The following EPS15 variants were observed in gnomAD, a reference collection of about 807,000 sequenced individuals.
EPS15 encodes epidermal growth factor receptor pathway substrate 15.
Under a neutral mutation model 113.8 loss-of-function variants are expected in EPS15, and 72 were observed. The ratio of observed to expected loss-of-function variants is 0.63; its 90% CI spans 0.52 to 0.77. EPS15 has a LOEUF of 0.77. Among genes scored for constraint, EPS15 ranks in the 30% least tolerant of loss-of-function variants. EPS15 has a pLI of 0.00. For synonymous variants in EPS15, 344 were observed against 363.4 expected, an observed-to-expected ratio of 0.95 and a Z score of 0.61; for missense variants, 1,048 against 1,045.8, an observed-to-expected ratio of 1.00 and a Z score of -0.03.
rs1443322229 is a variant in EPS15 at position 51,391,316 on chromosome 1, G to T, written c.2119+3065C>A. Reference sequence around the variant, plus strand: ...ACATCACACACCATGGCCTTTCGTGGGTTGGGGGGAAGGGGGAGGGATAGC... The same window carrying T: ...ACATCACACACCATGGCCTTTCGTGTGTTGGGGGGAAGGGGGAGGGATAGC... On this transcript the variant is annotated intron_variant, in intron 21 of 24. Coordinates refer to ENST00000371733, the MANE Select transcript of EPS15 (RefSeq NM_001981.3). 2.0e-5 allele frequency among the ~76,000 whole-genome samples: 3 copies of T among 152,158 alleles called. No individual in the cohort carries two copies. In the East Asian group the frequency reaches 5.8e-4, roughly 29 times the overall value.
At chr1:51,471,197 T>C (rs1441498869) in intron 4 of EPS15, among the ~76,000 whole-genome samples, 2 of 152,216 alleles carry the variant, frequency 1.3e-5, no homozygotes, top group Non-Finnish European at 2.9e-5. Flanking sequence ...AGTACACTGA[T>C]GGTGTTCAAC....
intron 9 of EPS15, 80 bp from the exon 10 acceptor site, chr1:51,447,185 T>A: frequency 1.6e-6 from 2 of 1,281,472 alleles, no homozygotes; most frequent in Non-Finnish European, 2.2e-6. Flanking sequence ...CATTACAATA[T>A]CCATCACAAA....
At chr1:51,385,033 T>C (rs778823733) in intron 21 of EPS15, among the ~76,000 whole-genome samples, 2 of 152,224 alleles carry the variant, frequency 1.3e-5, no homozygotes, top group African/African-American at 4.8e-5. Flanking sequence ...TAGCAACGCT[T>C]TCTTGGTTAT....
At chr1:51,357,428 T>TATATATATATATATATATATA (rs1557761744) in intron 24 of EPS15, among the ~76,000 whole-genome samples, 2 of 65,660 alleles carry the variant, frequency 3.0e-5, no homozygotes, top group Non-Finnish European at 5.8e-5. Context: ...ATATATATAT[T>TATATATATATATATATATATA]TTTTTTTTTT....
At chr1:51,434,775 G>A (rs187981663) in intron 12 of EPS15, among the ~76,000 whole-genome samples, 3 of 152,274 alleles carry the variant, frequency 2.0e-5, no homozygotes, top group Non-Finnish European at 2.9e-5. Context: ...GGGTTCAAGC[G>A]ATTCTGCTGC....
intron 12 of EPS15, among the ~76,000 whole-genome samples, chr1:51,429,563 T>C (rs1006560036): frequency 1.3e-5 from 2 of 151,302 alleles, no homozygotes; most frequent in Non-Finnish European, 2.9e-5. Context: ...TGTGGTTAAA[T>C]AAAGCTGAAA....
intron 21 of EPS15, among the ~76,000 whole-genome samples, chr1:51,392,908 A>G (rs1222601441): frequency 3.9e-5 from 6 of 152,204 alleles, no homozygotes; most frequent in Non-Finnish European, 8.8e-5. Flanking sequence ...TTTTAATTCT[A>G]TAGTACCCCT....
At position 51,396,345 on chromosome 1, in the gene EPS15, A is replaced by T. The variant is rs183880316; in HGVS notation, c.2053-1898T>A. Among the ~76,000 whole-genome samples the T allele has an allele frequency of 3.3e-5, 5 of 152,260 alleles. 1 individual carries two copies. The East Asian group carries it at 9.7e-4, about 29-fold the overall frequency. ...ATGCTTGGGACAAAAAGTATTTTGG[A>T]TGTTGGGTTTTTTTTCAGATTTTGG... On this transcript the variant is annotated intron_variant, in intron 20 of 24. Coordinates refer to ENST00000371733, the MANE Select transcript of EPS15 (RefSeq NM_001981.3).
At chr1:51,445,812 T>G (rs2148480621) in intron 10 of EPS15, among the ~76,000 whole-genome samples, 1 of 152,330 alleles carries the variant, frequency 6.6e-6, no homozygotes, top group Non-Finnish European at 1.5e-5. Context: ...TTTTTTAACC[T>G]CTCCAAATCT....
rs1654403291 is a variant in EPS15, at chr1:51,461,100, C to T, written c.552G>A (p.Glu184=). 1 of 1,595,186 alleles carries T rather than the reference C, an allele frequency of 6.3e-7. No individual in the cohort carries two copies. ...IDHDGMLDRD[E]FAVAMFLVYC... ...ACATTAGATTACTTACAACTGCAAACTCATCTCTGTCAAGCATTCCATCAT... is the reference window on the plus strand; with the variant it reads ...ACATTAGATTACTTACAACTGCAAATTCATCTCTGTCAAGCATTCCATCAT... The change falls in exon 8 of 25, where the codon GAG becomes GAA. Residue 184 remains glutamate, a synonymous_variant. Transcript: ENST00000371733.
Position 51,355,868 on chromosome 1 carries a change from G to T in EPS15, c.*832C>A. On this transcript the variant is annotated 3_prime_UTR_variant, in exon 25 of 25. Coordinates refer to ENST00000371733, the MANE Select transcript of EPS15 (RefSeq NM_001981.3). ...GAATGGCTGCCATGTTAAGACTTTT[G>T]CTTGCCTTATACTGATGGGTATATT... 5.0e-6 allele frequency: 1 copy of T among 198,428 alleles called. No homozygotes were observed. Among genetic ancestry groups the T allele is most frequent in the Non-Finnish European group, 1.0e-5 (1 of 96,024 alleles). The allele number at this position is 198,428 out of a possible 1,614,324, so 12.3% of individuals were successfully genotyped here.
At chr1:51,403,065 A>T (rs1188786258) in intron 17 of EPS15, among the ~76,000 whole-genome samples, 1 of 152,156 alleles carries the variant, frequency 6.6e-6, no homozygotes, top group African/African-American at 2.4e-5. Context: ...TGATAAGGAC[A>T]TTTTTTTAAA....
intron 21 of EPS15, among the ~76,000 whole-genome samples, chr1:51,393,746 G>A (rs1466541646): frequency 6.6e-6 from 1 of 152,186 alleles, no homozygotes; most frequent in Non-Finnish European, 1.5e-5. Flanking sequence ...TAGAAAAGAA[G>A]CAGAGTTACT....
chr1:51,470,646 C>CAAAAAA (rs10616476), intron 4 of EPS15, among the ~76,000 whole-genome samples: 1 of 72,996 alleles, frequency 1.4e-5, no homozygotes, highest in African/African-American at 4.4e-5. Flanking sequence ...GGCTCTGTCT[C>CAAAAAA]AAAAAAAAAA....
intron 8 of EPS15, among the ~76,000 whole-genome samples, chr1:51,448,541 A>T (rs956523259): frequency 6.6e-6 from 1 of 152,210 alleles, no homozygotes; most frequent in Admixed American, 6.6e-5. Flanking sequence ...CAGACAAGCA[A>T]ATCCCTTAAA....
intron 21 of EPS15, among the ~76,000 whole-genome samples, chr1:51,385,873 G>C (rs1647054784): frequency 6.6e-6 from 1 of 152,038 alleles, no homozygotes; most frequent in Admixed American, 6.6e-5. Flanking sequence ...GTTAGGGTTT[G>C]GTGAGAGGGA....
chr1:51,354,850 T>C lies in EPS15; in HGVS notation c.*1850A>G, dbSNP rs1218655394. On this transcript the variant is annotated 3_prime_UTR_variant, in exon 25 of 25. Transcript: ENST00000371733. ...AAAGTTGGTGTTTATAAGTTATAGATATTTAATATTTGAGTTTAATTGAAA... is the reference window on the plus strand; with the variant it reads ...AAAGTTGGTGTTTATAAGTTATAGACATTTAATATTTGAGTTTAATTGAAA... The C allele has an allele frequency of 9.9e-6, 2 of 202,112 alleles. No individual in the cohort carries two copies. The highest frequency in any genetic ancestry group is 4.6e-5 in the African/African-American group (2 of 43,588). The allele number at this position is 202,112 out of a possible 1,614,324, so 12.5% of individuals were successfully genotyped here. A position where few individuals can be genotyped will look rare whatever the true frequency, so the allele number is the denominator to read the frequency against.
chr1:51,361,391 A>C (rs1570075092), intron 23 of EPS15, 36 bp from the exon 24 acceptor site: 2 of 1,479,692 alleles, frequency 1.4e-6, no homozygotes, highest in Middle Eastern at 1.9e-4. Context: ...TCAACCAGTA[A>C]ATACAGCAAA....
At chr1:51,493,160 A>G (rs949178600) in intron 1 of EPS15, among the ~76,000 whole-genome samples, 35 of 152,120 alleles carry the variant, frequency 2.3e-4, no homozygotes, top group Non-Finnish European at 4.4e-4. Context: ...AGGAGATTGA[A>G]ACCATCCTGG....
Sources: gnomAD v4.1 joint callset for allele counts (sites outside exome capture counted in the v4.1 genomes callset) on GRCh38, gnomAD v4.1.1 for gene constraint, MANE v1.5 for transcripts, NCBI Gene and HGNC (gene_info 2026-07-23, HGNC 2026-07-21) for gene names.